Variants in TNNT1 observed in about 807,000 individuals in gnomAD.
TNNT1 encodes troponin T, slow skeletal muscle.
In TNNT1, 53 loss-of-function variants were observed where a neutral mutation model predicts 50.6. The observed-to-expected ratio is 1.05, with a 90% CI of 0.84 to 1.32. The LOEUF is 1.32. Ranked by LOEUF, TNNT1 falls within the 40% of genes most tolerant of loss-of-function variation. The pLI, the probability that TNNT1 is intolerant of heterozygous loss-of-function variation, is 0.00. For missense variants in TNNT1, 348 were observed against 381.7 expected (o/e 0.91, Z 0.74); for synonymous variants, 142 against 138.0 (o/e 1.03, Z -0.20).
intron 11 of TNNT1, 67 bp from the exon 12 acceptor site, chr19:55,134,271 C>A: frequency 6.8e-7 from 1 of 1,467,122 alleles, no homozygotes. Context: ...AGCCACACAG[C>A]GAGACTGTGA....
intron 2 of TNNT1, 33 bp from the exon 3 acceptor site, chr19:55,147,054 G>A (rs2085571437): frequency 6.2e-7 from 1 of 1,612,924 alleles, no homozygotes; most frequent in Non-Finnish European, 8.5e-7. Flanking sequence ...AGGAGGGAGG[G>A]GAGAGTTAGA....
intron 13 of TNNT1, chr19:55,133,530 T>C: frequency 2.8e-6 from 1 of 360,390 alleles, no homozygotes; most frequent in African/African-American, 2.1e-5. Flanking sequence ...ATACAAAAAT[T>C]AGCCACGCTT....
At chr19:55,146,975 C>A (rs935197755) in intron 3 of TNNT1, 33 bp downstream of exon 3, 27 of 1,586,618 alleles carry the variant, frequency 1.7e-5, no homozygotes, top group Non-Finnish European at 2.3e-5. Context: ...GGGCGTGTCC[C>A]CATCCCATAG....
rs2085573220 is a variant in TNNT1 at position 55,147,105 on chromosome 19, C to T, written c.32+21G>A. ...CCTCTCCACCACTGCACGCCCCAAC[C>T]CCTCCCAGTGCAGCACTCACTCCTC... On this transcript the variant is annotated intron_variant, in intron 2 of 13. Coordinates refer to ENST00000588981, the MANE Select transcript of TNNT1 (RefSeq NM_003283.6). 3.7e-6 allele frequency: 6 copies of T among 1,613,676 alleles called. No homozygotes were observed. In the African/African-American group the frequency reaches 8.0e-5, roughly 22 times the overall value.
At chr19:55,147,233 G>A in intron 1 of TNNT1, 65 bp from the exon 2 acceptor site, 1 of 1,515,734 alleles carries the variant, frequency 6.6e-7, no homozygotes, top group Non-Finnish European at 9.1e-7. Context: ...CTAGACTCCT[G>A]GGTGTGAGGG....
At chr19:55,142,340 C>T (rs1371260252) in intron 6 of TNNT1, among the ~76,000 whole-genome samples, 1 of 151,438 alleles carries the variant, frequency 6.6e-6, no homozygotes, top group East Asian at 2.0e-4. Flanking sequence ...CCAGGATGGT[C>T]TCGATCTCCT....
In TNNT1 at chr19:55,141,175, T is replaced by C; in HGVS notation, c.309+11A>G. 1 of 1,611,418 alleles carries C rather than the reference T, an allele frequency of 6.2e-7. No homozygotes were observed. The highest frequency in any genetic ancestry group is 8.5e-7 in the Non-Finnish European group (1 of 1,177,482). On this transcript the variant is annotated intron_variant, in intron 8 of 13. Transcript: ENST00000588981. ...GAGGAAGACCGGGGGGAACCCGGAC[T>C]CTCGGCTCACAATGCGCTCCTTCAA...
intron 12 of TNNT1, 26 bp from the exon 13 acceptor site, chr19:55,133,953 G>A (rs200819103): frequency 9.3e-6 from 15 of 1,608,650 alleles, no homozygotes; most frequent in African/African-American, 1.4e-5. Flanking sequence ...ACAGATGCTG[G>A]GACAGCCGGT....
At chr19:55,148,199 G>A (rs2085616447) in intron 1 of TNNT1, 1 of 151,836 alleles carries the variant, frequency 6.6e-6, no homozygotes, top group Non-Finnish European at 1.5e-5. Flanking sequence ...CATAGATGGT[G>A]AAACCGAGGA....
At chr19:55,136,993 C>T in intron 11 of TNNT1, 110 bp downstream of exon 11, 2 of 702,278 alleles carry the variant, frequency 2.8e-6, no homozygotes, top group Non-Finnish European at 5.0e-6. Context: ...AGTCACATAG[C>T]ACTGGAGCTG....
At chr19:55,143,805 T>C (rs2085500048) in intron 6 of TNNT1, among the ~76,000 whole-genome samples, 2 of 152,118 alleles carry the variant, frequency 1.3e-5, no homozygotes, top group African/African-American at 4.8e-5. Context: ...TCGCCAACTG[T>C]CTCTGGTCCA....
At chr19:55,133,770 G>A in intron 13 of TNNT1, 117 bp downstream of exon 13, 1 of 1,189,640 alleles carries the variant, frequency 8.4e-7, no homozygotes, top group Non-Finnish European at 1.3e-6. Flanking sequence ...GAAGGACAAA[G>A]AGAAAGGGGC....
chr19:55,146,555 C>A, intron 4 of TNNT1, 89 bp from the exon 5 acceptor site: 1 of 1,141,038 alleles, frequency 8.8e-7, no homozygotes. Context: ...AGGGAAGAGA[C>A]GTGAGAGGCT....
At chr19:55,141,473 C>T (rs1050940618) in intron 7 of TNNT1, among the ~76,000 whole-genome samples, 171 bp from the exon 8 acceptor site, 5 of 151,788 alleles carry the variant, frequency 3.3e-5, no homozygotes, top group Non-Finnish European at 7.4e-5. Context: ...ACAGGCTTCC[C>T]AAAGACGGGA....
chr19:55,147,226 G>T (rs997036850), intron 1 of TNNT1, 58 bp from the exon 2 acceptor site: 10 of 1,556,008 alleles, frequency 6.4e-6, no homozygotes, highest in Non-Finnish European at 8.8e-6. Context: ...GGGCGACCTA[G>T]ACTCCTGGGT....
At chr19:55,135,282 A>G (rs2085327431) in intron 11 of TNNT1, among the ~76,000 whole-genome samples, 1 of 152,178 alleles carries the variant, frequency 6.6e-6, no homozygotes, top group Non-Finnish European at 1.5e-5. Context: ...GAGGATGGAA[A>G]TATTGGGCTA....
intron 9 of TNNT1, among the ~76,000 whole-genome samples, chr19:55,139,609 C>G (rs2085414310): frequency 6.6e-6 from 1 of 152,092 alleles, no homozygotes. Context: ...TGATCTTGCC[C>G]TTCCCCACAG....
At chr19:55,141,994 G>A in intron 6 of TNNT1, 74 bp from the exon 7 acceptor site, 2 of 1,477,694 alleles carry the variant, frequency 1.4e-6, no homozygotes, top group Non-Finnish European at 1.9e-6. Context: ...GGGATGTGCC[G>A]TCCAGTGAGG....
chr19:55,146,735 C>T (rs1188768165), intron 3 of TNNT1, 28 bp from the exon 4 acceptor site: 3 of 1,486,894 alleles, frequency 2.0e-6, no homozygotes, highest in Non-Finnish European at 2.7e-6. Flanking sequence ...GAAGAGAAGG[C>T]GTTAGGAGCT....
Sources: gnomAD v4.1 joint callset for allele counts (sites outside exome capture counted in the v4.1 genomes callset) on GRCh38, gnomAD v4.1.1 for gene constraint, MANE v1.5 for transcripts, NCBI Gene and HGNC (gene_info 2026-07-23, HGNC 2026-07-21) for gene names.